The following EYS variants were observed in gnomAD, a reference collection of about 807,000 sequenced individuals.
EYS encodes EGF-like photoreceptor maintenance factor.
EYS carries 250 observed loss-of-function variants against 282.1 expected under a neutral mutation model. That is an observed-to-expected ratio of 0.89 (90% CI 0.80 to 0.98). The LOEUF (loss-of-function observed/expected upper bound fraction) is 0.98. Among genes scored for constraint, EYS ranks in the 50% least tolerant of loss-of-function variants. The probability of loss-of-function intolerance (pLI) is 0.00; values close to 1 mark genes in which losing one functional copy is unlikely to be tolerated. For synonymous variants in EYS, 1,355 were observed against 1,282.9 expected (o/e 1.06, Z -1.20); for missense variants, 4,016 against 3,709.0 (o/e 1.08, Z -2.15).
At chr6:65,600,080 T>C (rs1765563617) in intron 2 of EYS, among the ~76,000 whole-genome samples, 1 of 152,104 alleles carries the variant, frequency 6.6e-6, no homozygotes, top group Non-Finnish European at 1.5e-5. Flanking sequence ...CCACTGCACC[T>C]GTCACTTATG....
intron 31 of EYS, among the ~76,000 whole-genome samples, chr6:64,198,800 T>G (rs1247006393): frequency 1.3e-5 from 2 of 152,196 alleles, no homozygotes; most frequent in Non-Finnish European, 2.9e-5. Context: ...TGTGCATGTG[T>G]CTTTATAGTA....
intron 1 of EYS, among the ~76,000 whole-genome samples, chr6:65,645,706 C>CA (rs71268356): frequency 0.16 from 24,588 of 151,076 alleles, 2,143 homozygotes; most frequent in South Asian, 0.3. Context: ...GAAACTGAAA[C>CA]AAAAAAACTA....
intron 19 of EYS, among the ~76,000 whole-genome samples, chr6:64,845,757 C>T (rs1203514033): frequency 6.6e-6 from 1 of 152,170 alleles, no homozygotes; most frequent in South Asian, 2.1e-4. Context: ...AAGTTTTTCT[C>T]CATCATTCCT....
intron 35 of EYS, among the ~76,000 whole-genome samples, chr6:63,919,947 A>G (rs1764523628): frequency 6.6e-6 from 1 of 152,160 alleles, no homozygotes; most frequent in African/African-American, 2.4e-5. Flanking sequence ...CTCTACGTAA[A>G]TTGCGTAAAT....
At chr6:64,313,739 A>C (rs1463114222) in intron 29 of EYS, among the ~76,000 whole-genome samples, 1 of 152,198 alleles carries the variant, frequency 6.6e-6, no homozygotes, top group African/African-American at 2.4e-5. Flanking sequence ...AAGAATTTTC[A>C]GTCGAGAATT....
intron 15 of EYS, among the ~76,000 whole-genome samples, chr6:64,929,999 A>G (rs1310393079): frequency 2.0e-5 from 3 of 152,194 alleles, no homozygotes; most frequent in Admixed American, 1.3e-4. Context: ...GCTCAAGAAC[A>G]AAATGATACA....
chr6:65,660,821 G>C (rs1384993164), intron 1 of EYS, among the ~76,000 whole-genome samples: 1 of 151,736 alleles, frequency 6.6e-6, no homozygotes, highest in Non-Finnish European at 1.5e-5. Flanking sequence ...GAAATTGAAA[G>C]AGTCAATTAG....
chr6:64,277,908 T>C (rs1011211164), intron 30 of EYS, among the ~76,000 whole-genome samples: 2 of 152,114 alleles, frequency 1.3e-5, no homozygotes, highest in Non-Finnish European at 2.9e-5. Context: ...TACTAAATGA[T>C]GAAATATATC....
chr6:63,791,035 G>A (rs1389159850), intron 37 of EYS, among the ~76,000 whole-genome samples: 1 of 152,166 alleles, frequency 6.6e-6, no homozygotes, highest in Non-Finnish European at 1.5e-5. Flanking sequence ...GAGATAGGAG[G>A]TTTGTTTCAA....
At chr6:64,200,407 G>T (rs1003638786) in intron 31 of EYS, among the ~76,000 whole-genome samples, 2 of 150,880 alleles carry the variant, frequency 1.3e-5, no homozygotes, top group African/African-American at 5.0e-5. Context: ...TTGTTAATAA[G>T]AAATTGTGTA....
chr6:64,272,055 A>C (rs890121459), intron 30 of EYS, among the ~76,000 whole-genome samples: 3 of 151,974 alleles, frequency 2.0e-5, no homozygotes, highest in Non-Finnish European at 4.4e-5. Context: ...TAAGTTTTGT[A>C]ATATATTTTA....
chr6:64,028,688 G>C (rs957582049), intron 33 of EYS, among the ~76,000 whole-genome samples: 1 of 152,292 alleles, frequency 6.6e-6, no homozygotes, highest in Middle Eastern at 3.4e-3. Context: ...GCCCTCATCT[G>C]TTTGGTCAGG....
intron 19 of EYS, among the ~76,000 whole-genome samples, chr6:64,826,510 C>A (rs1263914826): frequency 6.6e-6 from 1 of 151,648 alleles, no homozygotes; most frequent in Non-Finnish European, 1.5e-5. Flanking sequence ...TAGTCCGCCT[C>A]AACATCTGCC....
At chr6:64,060,041 A>G (rs1265700397) in intron 33 of EYS, among the ~76,000 whole-genome samples, 1 of 152,146 alleles carries the variant, frequency 6.6e-6, no homozygotes, top group Non-Finnish European at 1.5e-5. Flanking sequence ...CCATATTGAC[A>G]TGGCAACATT....
intron 19 of EYS, among the ~76,000 whole-genome samples, chr6:64,853,879 C>A (rs1341714202): frequency 6.6e-6 from 1 of 151,930 alleles, no homozygotes. Context: ...CCAGAATCTA[C>A]AAAGAACTCA....
intron 31 of EYS, among the ~76,000 whole-genome samples, chr6:64,187,081 C>G (rs1582399137): frequency 3.9e-5 from 6 of 152,056 alleles, no homozygotes; most frequent in Admixed American, 3.3e-4. Flanking sequence ...GTAGATGAAC[C>G]AACTGACTAA....
chr6:65,443,642 T>C (rs1282716920), intron 5 of EYS, among the ~76,000 whole-genome samples: 4 of 143,340 alleles, frequency 2.8e-5, no homozygotes, highest in African/African-American at 4.9e-5. Flanking sequence ...TAGAGGCACA[T>C]ATATGTGTCT....
At chr6:65,538,637 T>C (rs1254043789) in intron 2 of EYS, among the ~76,000 whole-genome samples, 2 of 152,222 alleles carry the variant, frequency 1.3e-5, no homozygotes, top group African/African-American at 2.4e-5. Flanking sequence ...AATGTTTGAA[T>C]GGATAATGAC....
At chr6:63,937,670 C>T (rs544659899) in intron 35 of EYS, among the ~76,000 whole-genome samples, 4 of 151,952 alleles carry the variant, frequency 2.6e-5, no homozygotes, top group African/African-American at 7.3e-5. Flanking sequence ...CGTGAGCCAC[C>T]GCGCCTGGCC....
Sources: allele counts gnomAD v4.1 joint callset (sites outside exome capture counted in the v4.1 genomes callset), GRCh38; gene constraint gnomAD v4.1.1; transcripts MANE v1.5; gene names NCBI Gene and HGNC (gene_info 2026-07-23, HGNC 2026-07-21).